The following HCN1 variants were observed in gnomAD, a reference collection of about 807,000 sequenced individuals.
HCN1 encodes hyperpolarization activated cyclic nucleotide gated potassium channel 1.
Under a neutral mutation model 78.9 loss-of-function variants are expected in HCN1, and 13 were observed. The ratio of observed to expected loss-of-function variants is 0.16; its 90% CI spans 0.11 to 0.26. HCN1 has a LOEUF of 0.26. Among genes scored for constraint, HCN1 ranks in the 10% least tolerant of loss-of-function variants. HCN1 has a pLI of 1.00. For missense variants in HCN1, 810 were observed against 1,154.3 expected (o/e 0.70, Z 4.32); for synonymous variants, 552 against 455.5 (o/e 1.21, Z -2.70).
chr5:45,693,164 C>T (rs1359569142), intron 1 of HCN1, among the ~76,000 whole-genome samples: 1 of 152,102 alleles, frequency 6.6e-6, no homozygotes, highest in Non-Finnish European at 1.5e-5. Context: ...AAAACTACCG[C>T]TAGAATTTTG....
chr5:45,545,201 G>A (rs1743186657), intron 2 of HCN1, among the ~76,000 whole-genome samples: 1 of 152,188 alleles, frequency 6.6e-6, no homozygotes, highest in African/African-American at 2.4e-5. Context: ...GATGGCCAGT[G>A]ATGATGAGCA....
chr5:45,315,341 A>G (rs1350685099), intron 5 of HCN1, among the ~76,000 whole-genome samples: 2 of 152,224 alleles, frequency 1.3e-5, no homozygotes, highest in African/African-American at 4.8e-5. Flanking sequence ...ATGAAGGCAG[A>G]AATAAAGATG....
intron 5 of HCN1, among the ~76,000 whole-genome samples, chr5:45,335,764 G>T (rs1445541847): frequency 6.6e-6 from 1 of 151,980 alleles, no homozygotes; most frequent in East Asian, 1.9e-4. Context: ...TATGTGTTTT[G>T]CTCACTTAAT....
intron 2 of HCN1, among the ~76,000 whole-genome samples, chr5:45,577,532 A>C (rs1743972629): frequency 6.6e-6 from 1 of 152,136 alleles, no homozygotes; most frequent in South Asian, 2.1e-4. Context: ...TTATAGGCCT[A>C]GCATAAATTT....
At chr5:45,301,782 G>A (rs943998474) in intron 6 of HCN1, among the ~76,000 whole-genome samples, 9 of 148,424 alleles carry the variant, frequency 6.1e-5, no homozygotes, top group East Asian at 2.0e-4. Flanking sequence ...TGTAAAACCC[G>A]CTTACAGAAC....
Position 45,272,316 on chromosome 5 carries a change from T to C in HCN1, c.1619-5063A>G, listed in dbSNP as rs140485981. On this transcript the variant is annotated intron_variant, in intron 6 of 7. Transcript: ENST00000303230. ...GATATATATAGAAAAAAATTAGTCA[T>C]CTGTAGCTCATACTATCCTTTAGGT... Among the ~76,000 whole-genome samples, 1,402 of 152,224 alleles carry C rather than the reference T, an allele frequency of 9.2e-3. 11 individuals carry two copies. The highest frequency in any genetic ancestry group is 0.037 in the Middle Eastern group (11 of 294).
Position 45,696,095 on chromosome 5 carries a change from C to T in HCN1, c.-2G>A, listed in dbSNP as rs970177755. ...GTTGGGCTTGCCGCCTCCTTCCATG[C>T]CCGGAGGACGCGGCCGGCGACGGCG... On this transcript the variant is annotated 5_prime_UTR_variant, in exon 1 of 8. Coordinates refer to ENST00000303230, the MANE Select transcript of HCN1 (RefSeq NM_021072.4). 9 of 1,338,342 alleles carry T rather than the reference C, an allele frequency of 6.7e-6. No individual in the cohort carries two copies. The South Asian group carries it at 1.2e-4, about 18-fold the overall frequency. The allele number at this position is 1,338,342 out of a possible 1,614,324, so 82.9% of individuals were successfully genotyped here.
At chr5:45,627,298 T>G (rs1376636072) in intron 2 of HCN1, among the ~76,000 whole-genome samples, 1 of 152,214 alleles carries the variant, frequency 6.6e-6, no homozygotes, top group Non-Finnish European at 1.5e-5. Flanking sequence ...GCAGGAATGT[T>G]GCCTCTTACT....
chr5:45,650,194 AT>A (rs942576739), intron 1 of HCN1, among the ~76,000 whole-genome samples: 16 of 151,994 alleles, frequency 1.1e-4, no homozygotes, highest in Admixed American at 2.6e-4. Flanking sequence ...ATAAACTTTC[AT>A]TTTTTTCTAC....
chr5:45,435,105 T>C lies in HCN1; in HGVS notation c.1011+26741A>G, dbSNP rs190743060. Among the ~76,000 whole-genome samples the C allele has an allele frequency of 3.3e-3, 498 of 152,172 alleles. 4 individuals carry two copies. The highest frequency in any genetic ancestry group is 0.011 in the African/African-American group (474 of 41,552). ...TGTCAAAAAGAAAACATCTAACTAA[T>C]TTAAGGTATATTTTACAGTACAGTT... is the stretch of plus-strand genomic sequence containing the variant. On this transcript the variant is annotated intron_variant, in intron 3 of 7. Transcript: ENST00000303230.
chr5:45,507,933 A>G (rs1742341184), intron 2 of HCN1, among the ~76,000 whole-genome samples: 2 of 152,278 alleles, frequency 1.3e-5, no homozygotes, highest in Admixed American at 1.3e-4. Context: ...AGAGACATAT[A>G]ACATTATATG....
At chr5:45,302,443 G>C (rs1745645673) in intron 6 of HCN1, among the ~76,000 whole-genome samples, 1 of 152,012 alleles carries the variant, frequency 6.6e-6, no homozygotes. Flanking sequence ...GGTATTTACA[G>C]TAGTGTGAAA....
intron 2 of HCN1, among the ~76,000 whole-genome samples, chr5:45,535,861 T>C (rs1046565783): frequency 2.0e-5 from 3 of 152,168 alleles, no homozygotes; most frequent in African/African-American, 7.2e-5. Flanking sequence ...TTCAGACTCT[T>C]AAGTCTTCAA....
At chr5:45,322,442 C>G (rs549461368) in intron 5 of HCN1, among the ~76,000 whole-genome samples, 4 of 151,754 alleles carry the variant, frequency 2.6e-5, no homozygotes, top group Non-Finnish European at 4.4e-5. Context: ...CAATGAAACA[C>G]AGGTTGAGAA....
intron 2 of HCN1, chr5:45,558,525 A>G (rs1743522839): frequency 6.6e-6 from 1 of 152,150 alleles, no homozygotes; most frequent in Non-Finnish European, 1.5e-5. Flanking sequence ...GAAATATTGG[A>G]AAAATATGCC....
chr5:45,294,595 GA>G (rs1005651863), intron 6 of HCN1, among the ~76,000 whole-genome samples: 1 of 151,956 alleles, frequency 6.6e-6, no homozygotes, highest in African/African-American at 2.4e-5. Flanking sequence ...AATTATATTA[GA>G]AAAACAAACT....
chr5:45,599,452 A>C (rs1156586681), intron 2 of HCN1, among the ~76,000 whole-genome samples: 5 of 152,128 alleles, frequency 3.3e-5, no homozygotes. Context: ...AGAAATACCT[A>C]ATGAAAATGA....
intron 2 of HCN1, among the ~76,000 whole-genome samples, chr5:45,493,814 T>C (rs1368950388): frequency 1.4e-5 from 2 of 140,900 alleles, no homozygotes; most frequent in African/African-American, 2.7e-5. Context: ...TGAGTTCTCA[T>C]TGTTCAATTC....
chr5:45,585,935 A>C (rs1042773251), intron 2 of HCN1, among the ~76,000 whole-genome samples: 4 of 152,118 alleles, frequency 2.6e-5, no homozygotes, highest in African/African-American at 7.2e-5. Flanking sequence ...GTCTGCCCCT[A>C]CTGGTGGGTG....
Sources: allele counts gnomAD v4.1 joint callset (sites outside exome capture counted in the v4.1 genomes callset), GRCh38; gene constraint gnomAD v4.1.1; transcripts MANE v1.5; gene names NCBI Gene and HGNC (gene_info 2026-07-23, HGNC 2026-07-21).